The following AOPEP variants were observed in gnomAD, a reference collection of about 807,000 sequenced individuals.
The protein encoded by AOPEP is aminopeptidase O (putative).
Under a neutral mutation model 98.1 loss-of-function variants are expected in AOPEP, and 77 were observed. The ratio of observed to expected loss-of-function variants is 0.78; its 90% CI spans 0.65 to 0.95. The LOEUF (loss-of-function observed/expected upper bound fraction) is 0.95. Among genes scored for constraint, AOPEP ranks in the 40% least tolerant of loss-of-function variants. The probability of loss-of-function intolerance (pLI) is 0.00; values close to 1 mark genes in which losing one functional copy is unlikely to be tolerated. For synonymous variants in AOPEP, 346 were observed against 365.3 expected (o/e 0.95, Z 0.60); for missense variants, 1,024 against 1,024.7 (o/e 1.00, Z 0.01).
At chr9:94,965,553 C>T (rs888110512) in intron 9 of AOPEP, among the ~76,000 whole-genome samples, 5 of 152,358 alleles carry the variant, frequency 3.3e-5, no homozygotes, top group African/African-American at 9.6e-5. Flanking sequence ...ATTTCTATCC[C>T]TCTGTAATTC....
intron 16 of AOPEP, chr9:95,085,865 G>A (rs751942475): frequency 7.9e-5 from 93 of 1,178,500 alleles, no homozygotes; most frequent in East Asian, 3.6e-4. Context: ...TGAGCGGGGC[G>A]GGGCGGGGCT....
In AOPEP at chr9:94,760,065, G is replaced by C. The variant is rs1231201016; in HGVS notation, c.282G>C (p.Met94Ile). Reference sequence around the variant, plus strand: ...ATGCAAGGACCTTCTCATCTGAAATGGAATATAATGATTTTGCAATCTGTA... The same window carrying C: ...ATGCAAGGACCTTCTCATCTGAAATCGAATATAATGATTTTGCAATCTGTA... ...VTNARTFSSE[M>I]EYNDFAICSK... Residue 94 changes from methionine to isoleucine, a missense_variant, in exon 2 of 17, where the codon ATG becomes ATC. Coordinates refer to ENST00000375315, the MANE Select transcript of AOPEP (RefSeq NM_001193329.3). The C allele has an allele frequency of 6.2e-7, 1 of 1,614,150 alleles. No homozygotes were observed. The highest frequency in any genetic ancestry group is 1.1e-5 in the South Asian group (1 of 91,074).
Position 94,812,995 on chromosome 9 carries a change from T to G in AOPEP, c.1364+11993T>G, listed in dbSNP as rs1358922913. Among the ~76,000 whole-genome samples, 7 of 152,168 alleles carry G rather than the reference T, an allele frequency of 4.6e-5. No homozygotes were observed. The East Asian group carries it at 1.4e-3, about 29-fold the overall frequency. On this transcript the variant is annotated intron_variant, in intron 5 of 16. Coordinates refer to ENST00000375315, the MANE Select transcript of AOPEP (RefSeq NM_001193329.3). ...TTGGATATGAGCTCCATCCTGCCTT[T>G]GTTACAAGCAGGTTTTTAGAGGCAA... is the stretch of plus-strand genomic sequence containing the variant.
chr9:94,971,041 G>T (rs1360121449), intron 10 of AOPEP, among the ~76,000 whole-genome samples: 2 of 152,082 alleles, frequency 1.3e-5, no homozygotes, highest in African/African-American at 4.8e-5. Context: ...AGTTTTGGAG[G>T]TCTCTCTTTT....
At chr9:94,748,494 C>G (rs1031810429) in intron 1 of AOPEP, among the ~76,000 whole-genome samples, 2 of 152,074 alleles carry the variant, frequency 1.3e-5, no homozygotes, top group African/African-American at 4.8e-5. Context: ...ATAGGGAGTT[C>G]CCAATTCATC....
chr9:95,077,597 T>C (rs1182124773), intron 14 of AOPEP, among the ~76,000 whole-genome samples: 2 of 152,232 alleles, frequency 1.3e-5, no homozygotes, highest in Non-Finnish European at 2.9e-5. Flanking sequence ...AGCTGTCCTC[T>C]GGTGGCATGC....
At chr9:94,908,438 G>A (rs911221508) in intron 5 of AOPEP, among the ~76,000 whole-genome samples, 2 of 152,150 alleles carry the variant, frequency 1.3e-5, no homozygotes, top group Non-Finnish European at 2.9e-5. Flanking sequence ...AATCAATTCT[G>A]AACACTGACT....
the AOPEP span, chr9:95,101,880 T>C: frequency 6.2e-7 from 1 of 1,613,122 alleles, no homozygotes; most frequent in Non-Finnish European, 8.5e-7. Flanking sequence ...GAAGGCAAAT[T>C]AAAACACTTT....
chr9:95,074,031 C>T (rs1274721604), intron 14 of AOPEP, among the ~76,000 whole-genome samples: 3 of 152,156 alleles, frequency 2.0e-5, no homozygotes, highest in Admixed American at 6.5e-5. Flanking sequence ...CATCACTCTG[C>T]CCCGCACCAT....
intron 11 of AOPEP, among the ~76,000 whole-genome samples, chr9:94,998,467 C>CT (rs2061371784): frequency 6.6e-6 from 1 of 152,142 alleles, no homozygotes; most frequent in African/African-American, 2.4e-5. Flanking sequence ...TGCTTCAATA[C>CT]TTTTTTTGTC....
At chr9:94,751,394 A>G (rs1835739770) in intron 1 of AOPEP, among the ~76,000 whole-genome samples, 1 of 152,182 alleles carries the variant, frequency 6.6e-6, no homozygotes, top group Non-Finnish European at 1.5e-5. Flanking sequence ...ACACATGTAA[A>G]ACTAAATGTA....
chr9:94,947,373 G>T (rs373489372), intron 7 of AOPEP, among the ~76,000 whole-genome samples: 9 of 152,018 alleles, frequency 5.9e-5, no homozygotes, highest in South Asian at 4.2e-4. Context: ...TGAACTCCTG[G>T]GCTCAGTGAT....
At chr9:95,034,825 A>C (rs1460442114) in intron 13 of AOPEP, among the ~76,000 whole-genome samples, 1 of 152,196 alleles carries the variant, frequency 6.6e-6, no homozygotes, top group African/African-American at 2.4e-5. Context: ...GAGCTTGAGA[A>C]GCGGGCCTTG....
intron 7 of AOPEP, among the ~76,000 whole-genome samples, chr9:94,951,509 T>G (rs1221692384): frequency 1.3e-5 from 2 of 152,192 alleles, no homozygotes; most frequent in Non-Finnish European, 2.9e-5. Flanking sequence ...CATCAGGATC[T>G]TATGAGGGAA....
intron 1 of AOPEP, among the ~76,000 whole-genome samples, chr9:94,742,724 C>T (rs1833442927): frequency 6.6e-6 from 1 of 152,168 alleles, no homozygotes; most frequent in Admixed American, 6.5e-5. Context: ...TGAGCCACTG[C>T]ACCTGGCCAC....
Position 95,005,470 on chromosome 9 carries a change from C to G in AOPEP, c.2041-72C>G, listed in dbSNP as rs115119772. The G allele has an allele frequency of 3.4e-3, 4,869 of 1,439,344 alleles. 136 individuals are homozygous for G. The African/African-American group carries it at 0.057, about 17-fold the overall frequency. The allele number at this position is 1,439,344 out of a possible 1,614,324, so 89.2% of individuals were successfully genotyped here. On this transcript the variant is annotated intron_variant, in intron 12 of 16. Coordinates refer to ENST00000375315, the MANE Select transcript of AOPEP (RefSeq NM_001193329.3). ...CAGGTCGCGAGGCCGGGGGTCTCTG[C>G]TTTCTCGCGCTGGGGGATGGCCGTC...
chr9:94,913,934 A>G (rs905211604), intron 5 of AOPEP, among the ~76,000 whole-genome samples: 11 of 152,242 alleles, frequency 7.2e-5, no homozygotes, highest in Admixed American at 5.2e-4. Context: ...CACCCTTAGT[A>G]ATATGGAATT....
chr9:95,095,504 G>A, the AOPEP span, among the ~76,000 whole-genome samples: 1 of 152,200 alleles, frequency 6.6e-6, no homozygotes, highest in African/African-American at 2.4e-5. Context: ...CTTTTTTCAT[G>A]TGCTGCAAAT....
chr9:95,016,518 C>CCA (rs2133068210), intron 13 of AOPEP, among the ~76,000 whole-genome samples: 1 of 152,222 alleles, frequency 6.6e-6, no homozygotes, highest in South Asian at 2.1e-4. Context: ...GCTGGGATTA[C>CCA]AGGTGTGAGC....
Sources: allele counts gnomAD v4.1 joint callset (sites outside exome capture counted in the v4.1 genomes callset), GRCh38; gene constraint gnomAD v4.1.1; transcripts MANE v1.5; gene names NCBI Gene and HGNC (gene_info 2026-07-23, HGNC 2026-07-21).